HSD17B3: variants seen among roughly 807,000 people sequenced by gnomAD.
HSD17B3 encodes the protein 17-beta-hydroxysteroid dehydrogenase type 3.
In HSD17B3, 29 loss-of-function variants were observed where a neutral mutation model predicts 41.1. The observed-to-expected ratio is 0.71, with a 90% CI of 0.53 to 0.96. The LOEUF is 0.96. Among genes scored for constraint, HSD17B3 ranks in the 40% least tolerant of loss-of-function variants. The pLI is 0.00. For missense variants in HSD17B3, 323 were observed against 374.6 expected, an observed-to-expected ratio of 0.86 and a Z score of 1.14; for synonymous variants, 126 against 145.6, an observed-to-expected ratio of 0.87 and a Z score of 0.97.
chr9:96,284,181 AC>A (rs1232225990), intron 2 of HSD17B3, among the ~76,000 whole-genome samples: 2 of 139,808 alleles, frequency 1.4e-5, no homozygotes, highest in Non-Finnish European at 3.1e-5. Context: ...ATGCCACTGC[AC>A]TCCAGCCTGG....
At chr9:96,293,944 C>T (rs576011503) in intron 2 of HSD17B3, among the ~76,000 whole-genome samples, 4 of 152,300 alleles carry the variant, frequency 2.6e-5, no homozygotes, top group South Asian at 4.1e-4. Flanking sequence ...CTTTGACACA[C>T]ATCTGATCAA....
At chr9:96,262,864 A>G (rs982133907) in intron 2 of HSD17B3, among the ~76,000 whole-genome samples, 1 of 152,082 alleles carries the variant, frequency 6.6e-6, no homozygotes, top group Admixed American at 6.5e-5. Flanking sequence ...CTGAATCAAC[A>G]TTGGATTTTG....
chr9:96,261,157 A>G (rs1167246636), intron 2 of HSD17B3, among the ~76,000 whole-genome samples: 1 of 151,888 alleles, frequency 6.6e-6, no homozygotes, highest in Non-Finnish European at 1.5e-5. Context: ...ACCCCCCAAA[A>G]ATCTAATGAG....
At chr9:96,254,975 G>A in intron 2 of HSD17B3, 32 bp from the exon 3 acceptor site, 1 of 1,585,588 alleles carries the variant, frequency 6.3e-7, no homozygotes, top group Non-Finnish European at 8.7e-7. Context: ...CAAGAGACAA[G>A]GATGATGAGC....
At chr9:96,260,055 A>G (rs1324757095) in intron 2 of HSD17B3, among the ~76,000 whole-genome samples, 1 of 152,186 alleles carries the variant, frequency 6.6e-6, no homozygotes, top group Non-Finnish European at 1.5e-5. Flanking sequence ...TACTGTCCTG[A>G]GAACACTTAC....
At chr9:96,251,183 T>G in intron 5 of HSD17B3, 1 of 583,984 alleles carries the variant, frequency 1.7e-6, no homozygotes, top group South Asian at 2.1e-5. Context: ...CAGGTAAGTT[T>G]TGATGTGCAG....
At chr9:96,274,199 G>A (rs1198580319) in intron 2 of HSD17B3, among the ~76,000 whole-genome samples, 1 of 152,244 alleles carries the variant, frequency 6.6e-6, no homozygotes, top group Non-Finnish European at 1.5e-5. Context: ...AGCACTTTGG[G>A]AGGCCATGGT....
Position 96,244,537 on chromosome 9 carries a change from G to A in HSD17B3, c.607-143C>T, listed in dbSNP as rs541378164. The A allele has an allele frequency of 2.0e-4, 158 of 770,974 alleles. No homozygotes were observed. In the East Asian group the frequency reaches 2.2e-3, roughly 11 times the overall value. The allele number at this position is 770,974 out of a possible 1,614,324, so 47.8% of individuals were successfully genotyped here. On this transcript the variant is annotated intron_variant, in intron 8 of 10. Transcript: ENST00000375263. Reference sequence around the variant, plus strand: ...GGGGAGCTCTGGGTACGGAGGGTACGGAGTTTCAGCTGCACAGGGTGAATA... The same window carrying A: ...GGGGAGCTCTGGGTACGGAGGGTACAGAGTTTCAGCTGCACAGGGTGAATA...
At chr9:96,268,766 T>C (rs1826130427) in intron 2 of HSD17B3, among the ~76,000 whole-genome samples, 1 of 152,060 alleles carries the variant, frequency 6.6e-6, no homozygotes, top group Admixed American at 6.6e-5. Flanking sequence ...CTGGCCAACA[T>C]AGCAAAACCC....
chr9:96,274,308 G>A (rs544647108), intron 2 of HSD17B3, among the ~76,000 whole-genome samples: 3 of 152,178 alleles, frequency 2.0e-5, no homozygotes, highest in African/African-American at 4.8e-5. Context: ...GCATGGTGGT[G>A]CACACCTGTA....
At chr9:96,275,855 A>T (rs1826429280) in intron 2 of HSD17B3, among the ~76,000 whole-genome samples, 1 of 152,130 alleles carries the variant, frequency 6.6e-6, no homozygotes, top group African/African-American at 2.4e-5. Flanking sequence ...CACAAAACAG[A>T]CAGAAAACCA....
chr9:96,261,209 T>TGA (rs143864676), intron 2 of HSD17B3, among the ~76,000 whole-genome samples: 1 of 151,428 alleles, frequency 6.6e-6, no homozygotes, highest in Non-Finnish European at 1.5e-5. Flanking sequence ...GATGGAGCCT[T>TGA]CTGCTGCCAA....
At chr9:96,241,037 G>T in intron 9 of HSD17B3, 130 bp from the exon 10 acceptor site, 1 of 1,145,356 alleles carries the variant, frequency 8.7e-7, no homozygotes, top group Non-Finnish European at 1.3e-6. Context: ...TTAAGATCTT[G>T]AGTGGAAAAA....
intron 2 of HSD17B3, among the ~76,000 whole-genome samples, chr9:96,280,879 G>C (rs762669281): frequency 6.6e-6 from 1 of 152,108 alleles, no homozygotes; most frequent in African/African-American, 2.4e-5. Context: ...TCCCACCAGC[G>C]CCGTGACAGT....
chr9:96,277,835 G>GCGCACACACACACA (rs1450902519), intron 2 of HSD17B3, among the ~76,000 whole-genome samples: 1 of 145,924 alleles, frequency 6.9e-6, no homozygotes, highest in African/African-American at 2.5e-5. Flanking sequence ...GGAAAATGTG[G>GCGCACACACACACA]CACACACACA....
chr9:96,301,272 T>A (rs767257339), intron 1 of HSD17B3, among the ~76,000 whole-genome samples: 1 of 151,902 alleles, frequency 6.6e-6, no homozygotes, highest in Admixed American at 6.6e-5. Flanking sequence ...ATATCCCTTT[T>A]GAGACATAAA....
At chr9:96,292,171 A>T (rs568430692) in intron 2 of HSD17B3, among the ~76,000 whole-genome samples, 303 of 151,012 alleles carry the variant, frequency 2.0e-3, no homozygotes, top group Non-Finnish European at 3.6e-3. Flanking sequence ...CTTGAAGATT[A>T]AAAAAAAAGC....
intron 3 of HSD17B3, 77 bp downstream of exon 3, chr9:96,254,791 T>A: frequency 1.6e-6 from 2 of 1,252,698 alleles, no homozygotes; most frequent in South Asian, 2.4e-5. Context: ...GGATGCCAAG[T>A]ACATCAACTG....
At chr9:96,292,278 C>T (rs1827187557) in intron 2 of HSD17B3, among the ~76,000 whole-genome samples, 1 of 152,050 alleles carries the variant, frequency 6.6e-6, no homozygotes, top group African/African-American at 2.4e-5. Context: ...ATATTCATGT[C>T]CATTGGAGTG....
Sources: gnomAD v4.1 joint callset for allele counts (sites outside exome capture counted in the v4.1 genomes callset) on GRCh38, gnomAD v4.1.1 for gene constraint, MANE v1.5 for transcripts, NCBI Gene and HGNC (gene_info 2026-07-23, HGNC 2026-07-21) for gene names.